Variants in PCTP observed in about 807,000 individuals in gnomAD.
PCTP encodes START domain-containing protein 2.
In PCTP, 27 loss-of-function variants were observed where a neutral mutation model predicts 31.0. The observed-to-expected ratio is 0.87, with a 90% CI of 0.64 to 1.20. The LOEUF is 1.20. Ranked by LOEUF, PCTP falls within the 50% of genes most tolerant of loss-of-function variation. The pLI is 0.00. For synonymous variants in PCTP, 108 were observed against 101.2 expected (o/e 1.07, Z -0.40); for missense variants, 287 against 268.2 (o/e 1.07, Z -0.49).
chr17:55,833,527 A>G (rs1435719985), intron 5 of PCTP, among the ~76,000 whole-genome samples: 2 of 152,212 alleles, frequency 1.3e-5, no homozygotes, highest in Admixed American at 6.5e-5. Flanking sequence ...TTCCTCACCC[A>G]ATGCCAGACT....
intron 3 of PCTP, among the ~76,000 whole-genome samples, chr17:55,821,387 C>G (rs1913110723): frequency 6.6e-6 from 1 of 152,166 alleles, no homozygotes; most frequent in South Asian, 2.1e-4. Context: ...GGAAGTGATG[C>G]TAATGGATAT....
At chr17:55,839,936 A>C (rs993563365) in intron 5 of PCTP, among the ~76,000 whole-genome samples, 2 of 150,114 alleles carry the variant, frequency 1.3e-5, no homozygotes, top group African/African-American at 4.9e-5. Flanking sequence ...AAAAAAAAAA[A>C]AAAAAAAAAA....
At chr17:55,819,958 CG>C (rs1913060455) in intron 3 of PCTP, among the ~76,000 whole-genome samples, 1 of 151,892 alleles carries the variant, frequency 6.6e-6, no homozygotes, top group Admixed American at 6.6e-5. Flanking sequence ...CTGAGACAAC[CG>C]GATATCCATA....
chr17:55,845,848 T>G (rs1175523994), downstream of PCTP, among the ~76,000 whole-genome samples: 1 of 151,248 alleles, frequency 6.6e-6, no homozygotes. Context: ...CAGCTTAGGA[T>G]GAATTTCAAA....
intron 5 of PCTP, 71 bp downstream of exon 5, chr17:55,774,930 G>A (rs927520868): frequency 1.2e-5 from 17 of 1,460,506 alleles, no homozygotes; most frequent in Admixed American, 6.7e-5. Flanking sequence ...CTTAGCCCGC[G>A]GGGCTGTCAG....
At chr17:55,766,399 T>C (rs1342463539) in intron 1 of PCTP, among the ~76,000 whole-genome samples, 1 of 146,340 alleles carries the variant, frequency 6.8e-6, no homozygotes, top group Non-Finnish European at 1.5e-5. Flanking sequence ...CTCCTAATGC[T>C]ATCCCTCCCC....
rs1909673930 is a variant in PCTP at position 55,751,159 on chromosome 17, A to G, written c.56A>G (p.Glu19Gly). Residue 19 changes from glutamate (E) to glycine (G), a missense_variant, in exon 1 of 6, where the codon GAG becomes GGG. Glu to Gly is a moderately conservative substitution (Grantham distance 98). Coordinates refer to ENST00000268896, the MANE Select transcript of PCTP (RefSeq NM_021213.4). ...SEEQFWEACAELQQPALAGAD... is the reference protein window; with the variant it reads ...SEEQFWEACAGLQQPALAGAD... ...GAGCAGTTCTGGGAGGCCTGCGCCG[A>G]GCTCCAGCAGCCCGCTCTGGCCGGG... The G allele has an allele frequency of 2.6e-6, 4 of 1,548,168 alleles. No homozygotes were observed. The highest frequency in any genetic ancestry group is 3.5e-6 in the Non-Finnish European group (4 of 1,146,132).
intron 1 of PCTP, among the ~76,000 whole-genome samples, chr17:55,766,482 A>C (rs537298176): frequency 7.2e-6 from 1 of 138,208 alleles, no homozygotes; most frequent in Admixed American, 8.3e-5. Flanking sequence ...TCATTGTTCA[A>C]TTCCCACCTA....
At chr17:55,803,703 A>G (rs754314949) in intron 3 of PCTP, among the ~76,000 whole-genome samples, 1 of 152,200 alleles carries the variant, frequency 6.6e-6, no homozygotes, top group Non-Finnish European at 1.5e-5. Flanking sequence ...GTATACAAAA[A>G]TTAACTCAAC....
chr17:55,804,565 G>A (rs1912516800), intron 3 of PCTP, among the ~76,000 whole-genome samples: 1 of 152,154 alleles, frequency 6.6e-6, no homozygotes, highest in Admixed American at 6.6e-5. Context: ...CCTTTGCAGG[G>A]AAATGGATGA....
At chr17:55,770,990 C>T (rs1271196732) in intron 2 of PCTP, 116 bp from the exon 3 acceptor site, 7 of 751,394 alleles carry the variant, frequency 9.3e-6, no homozygotes, top group African/African-American at 1.7e-5. Context: ...ACCTTGGCCT[C>T]AAAAAGTGCT....
At chr17:55,756,639 CCT>C (rs1320385858) in intron 1 of PCTP, among the ~76,000 whole-genome samples, 1 of 151,978 alleles carries the variant, frequency 6.6e-6, no homozygotes, top group Non-Finnish European at 1.5e-5. Context: ...ATTATTTTGT[CCT>C]CTCTACTTTC....
chr17:55,808,678 TCC>T (rs1285770610), intron 3 of PCTP, among the ~76,000 whole-genome samples: 1 of 152,138 alleles, frequency 6.6e-6, no homozygotes. Context: ...TTTCTCTCTG[TCC>T]AAAGCTTAGC....
intron 2 of PCTP, chr17:55,770,469 T>C (rs1350685780): frequency 6.6e-6 from 1 of 152,232 alleles, no homozygotes; most frequent in Non-Finnish European, 1.5e-5. Context: ...CTGGTGGTTA[T>C]CCTGAATTTA....
chr17:55,789,520 G>A (rs1911876329), intron 3 of PCTP, among the ~76,000 whole-genome samples: 1 of 152,144 alleles, frequency 6.6e-6, no homozygotes, highest in Non-Finnish European at 1.5e-5. Flanking sequence ...TAATTGCTGT[G>A]TCTGCAATGT....
At chr17:55,822,864 G>C (rs1905280652) in exon 4 of PCTP, 2 of 1,203,932 alleles carry the variant, frequency 1.7e-6, no homozygotes, top group Non-Finnish European at 2.1e-6. Flanking sequence ...GAAGAGGAAG[G>C]ACATAAAGAT....
chr17:55,799,916 C>T (rs1912317758), intron 3 of PCTP, among the ~76,000 whole-genome samples: 1 of 152,138 alleles, frequency 6.6e-6, no homozygotes, highest in Non-Finnish European at 1.5e-5. Flanking sequence ...TCTCTTCTGG[C>T]TTGTAGGGTT....
chr17:55,767,047 G>A (rs1057066001), intron 1 of PCTP, among the ~76,000 whole-genome samples: 3 of 152,158 alleles, frequency 2.0e-5, no homozygotes, highest in African/African-American at 7.2e-5. Flanking sequence ...TTTTTTGGCT[G>A]CATAAATGTC....
intron 3 of PCTP, among the ~76,000 whole-genome samples, chr17:55,807,892 C>T (rs1268943057): frequency 6.6e-6 from 1 of 152,082 alleles, no homozygotes; most frequent in Admixed American, 6.6e-5. Flanking sequence ...TGGTACAAAG[C>T]ATTTTCACAT....
Sources: allele counts gnomAD v4.1 joint callset (sites outside exome capture counted in the v4.1 genomes callset), GRCh38; gene constraint gnomAD v4.1.1; transcripts MANE v1.5; gene names NCBI Gene and HGNC (gene_info 2026-07-23, HGNC 2026-07-21).